Variants in MPRIP observed in about 807,000 individuals in gnomAD.
MPRIP encodes the protein myosin phosphatase Rho interacting protein, also known as myosin phosphatase Rho-interacting protein.
Under a neutral mutation model 234.9 loss-of-function variants are expected in MPRIP, and 59 were observed. The ratio of observed to expected loss-of-function variants is 0.25; its 90% confidence interval spans 0.20 to 0.31. MPRIP has a LOEUF of 0.31. Ranked by LOEUF, MPRIP falls within the 10% of genes least tolerant of loss-of-function variation. The pLI is 1.00. For synonymous variants in MPRIP, 1,144 were observed against 1,263.9 expected (o/e 0.91, Z 2.01); for missense variants, 2,436 against 3,071.0 (o/e 0.79, Z 4.89).
At chr17:17,062,769 G>A (rs1348195547) in intron 1 of MPRIP, among the ~76,000 whole-genome samples, 1 of 152,260 alleles carries the variant, frequency 6.6e-6, no homozygotes, top group Non-Finnish European at 1.5e-5. Context: ...CTGTTTCTCT[G>A]TTGGGTGTTG....
chr17:17,173,333 G>A (rs983462010), intron 18 of MPRIP, among the ~76,000 whole-genome samples: 1 of 152,244 alleles, frequency 6.6e-6, no homozygotes, highest in Non-Finnish European at 1.5e-5. Context: ...CGGCACTCAG[G>A]CTCTACCAGG....
At chr17:17,176,397 A>G (rs756726416) in intron 20 of MPRIP, 29 bp from the exon 21 acceptor site, 5 of 1,567,640 alleles carry the variant, frequency 3.2e-6, no homozygotes, top group African/African-American at 1.4e-5. Context: ...GCTCCTGAAT[A>G]TTGGTCCCTG....
At chr17:17,096,480 C>T (rs990195754) in intron 3 of MPRIP, among the ~76,000 whole-genome samples, 1 of 152,092 alleles carries the variant, frequency 6.6e-6, no homozygotes, top group Non-Finnish European at 1.5e-5. Flanking sequence ...GTTGAAATTC[C>T]AGATTCTTCT....
intron 1 of MPRIP, among the ~76,000 whole-genome samples, chr17:17,063,189 C>T (rs2088918774): frequency 6.6e-6 from 1 of 152,206 alleles, no homozygotes; most frequent in Admixed American, 6.5e-5. Context: ...CTGGGAGGGC[C>T]TTCCAGCAGC....
At chr17:17,145,072 C>T (rs1236913288) in intron 9 of MPRIP, among the ~76,000 whole-genome samples, 1 of 152,176 alleles carries the variant, frequency 6.6e-6, no homozygotes, top group Non-Finnish European at 1.5e-5. Flanking sequence ...CACAGCTTGG[C>T]AGGACGTTGG....
At chr17:17,064,497 G>A (rs113004656) in intron 1 of MPRIP, among the ~76,000 whole-genome samples, 5,230 of 152,196 alleles carry the variant, frequency 0.034, 156 homozygotes, top group East Asian at 0.12. Context: ...ACGGCACCAC[G>A]GCTGGGATAC....
chr17:17,146,005 T>C, intron 9 of MPRIP, 31 bp from the exon 10 acceptor site: 2 of 1,609,730 alleles, frequency 1.2e-6, no homozygotes, highest in Admixed American at 1.7e-5. Flanking sequence ...AAGAGTTTCC[T>C]CTGAGCTGTT....
At position 17,083,803 on chromosome 17, in the gene MPRIP, G is replaced by A. The variant is rs575988391; in HGVS notation, c.267+5727G>A. ...TCTGTCGCCAGGCTGGAGTGCAGTG[G>A]CGTGATCTTGGCTCACTGCAACCTC... On this transcript the variant is annotated intron_variant, in intron 3 of 23. Transcript: ENST00000651222. 7.9e-5 allele frequency among the ~76,000 whole-genome samples: 12 copies of A among 152,228 alleles called. No homozygotes were observed. In the East Asian group the frequency reaches 1.2e-3, roughly 15 times the overall value.
intron 8 of MPRIP, 78 bp from the exon 9 acceptor site, chr17:17,143,478 G>C (rs1291932785): frequency 6.5e-6 from 6 of 921,062 alleles, no homozygotes; most frequent in African/African-American, 1.7e-5. Flanking sequence ...CTCTTGGAGG[G>C]GTGGACAGCA....
rs778726674 is a variant in MPRIP, at chr17:17,158,901, C to A, written c.2299C>A (p.Arg767=). The change falls in exon 14 of 24, where the codon CGG becomes AGG. Residue 767 remains arginine, a synonymous_variant. Transcript: ENST00000651222. ...GCATCAGGTGGAGACCACACCTCTC[C>A]GGGAAGAGAAGCAGGTGCCCATCGC... ...RWHQVETTPL[R]EEKQVPIAPV... is the part of the protein sequence containing the mutation. 3.7e-6 allele frequency: 6 copies of A among 1,612,334 alleles called. No homozygotes were observed. The highest frequency in any genetic ancestry group is 4.2e-6 in the Non-Finnish European group (5 of 1,180,012).
At chr17:17,079,200 G>C (rs1054763876) in intron 3 of MPRIP, among the ~76,000 whole-genome samples, 1 of 152,206 alleles carries the variant, frequency 6.6e-6, no homozygotes, top group African/African-American at 2.4e-5. Context: ...TTTCTGGGGT[G>C]AATTAAGAGG....
chr17:17,049,386 A>G (rs577139105), intron 1 of MPRIP, among the ~76,000 whole-genome samples: 35 of 151,254 alleles, frequency 2.3e-4, no homozygotes, highest in Middle Eastern at 3.4e-3. Flanking sequence ...CATCAGACCT[A>G]TCACAAAGTC....
At position 17,189,659 on chromosome 17, in the gene MPRIP, T is replaced by C. The variant is rs147322684; in HGVS notation, c.*4765T>C. 8.5e-5 allele frequency: 13 copies of C among 152,350 alleles called. No homozygotes were observed. Among genetic ancestry groups the C allele is most frequent in the Non-Finnish European group, 1.5e-4 (10 of 68,040 alleles). The allele number at this position is 152,350 out of a possible 1,614,324, so 9.4% of individuals were successfully genotyped here. On this transcript the variant is annotated 3_prime_UTR_variant, in exon 24 of 24. Transcript: ENST00000651222. ...GTCATGTTGATGAGAAGCTTCACTT[T>C]CCTGGGAACTTCATTCGTTTTAGGG...
intron 12 of MPRIP, 25 bp from the exon 13 acceptor site, chr17:17,154,281 A>G (rs1359459944): frequency 1.2e-6 from 2 of 1,606,782 alleles, no homozygotes; most frequent in Admixed American, 1.7e-5. Context: ...ACAGTCACTG[A>G]TGGTGCCTCA....
chr17:17,151,398 A>G (rs936774046), intron 12 of MPRIP, among the ~76,000 whole-genome samples: 2 of 152,192 alleles, frequency 1.3e-5, no homozygotes, highest in African/African-American at 4.8e-5. Context: ...CCTTGGGGAC[A>G]CGGTGTCCTC....
At chr17:17,161,730 T>G (rs896929060) in intron 15 of MPRIP, among the ~76,000 whole-genome samples, 1 of 152,248 alleles carries the variant, frequency 6.6e-6, no homozygotes, top group African/African-American at 2.4e-5. Context: ...TTGGACCTAT[T>G]GTACAGATTG....
intron 10 of MPRIP, among the ~76,000 whole-genome samples, chr17:17,146,667 G>A (rs1226336476): frequency 6.6e-6 from 1 of 152,186 alleles, no homozygotes; most frequent in Non-Finnish European, 1.5e-5. Context: ...GGAAGGCCAG[G>A]CCTCCCAAGG....
At position 17,138,575 on chromosome 17, in the gene MPRIP, T is replaced by G. The variant is rs115716969; in HGVS notation, c.1250+146T>G. The G allele has an allele frequency of 0.023, 3,470 of 153,334 alleles. 108 individuals are homozygous for G. The highest frequency in any genetic ancestry group is 0.085 in the Middle Eastern group (25 of 294). 9.5% of individuals were successfully genotyped at this position (153,334 alleles called of 1,614,324 possible). ...ATGCTTTCTGTTCAGAGCATAGGGG[T>G]ATTTTCCCTCTGGGCCCAGAACTCA... On this transcript the variant is annotated intron_variant, in intron 7 of 23. Transcript: ENST00000651222. The surrounding 1 kb of genome is among the most constrained non-coding windows in gnomAD (Gnocchi z 5.8).
At position 17,167,159 on chromosome 17, in the gene MPRIP, G is replaced by T; in HGVS notation, c.5568G>T (p.Arg1856=). The T allele has an allele frequency of 2.3e-6, 3 of 1,304,110 alleles. No homozygotes were observed. The highest frequency in any genetic ancestry group is 3.0e-6 in the Non-Finnish European group (3 of 988,946). 80.8% of individuals were successfully genotyped at this position (1,304,110 alleles called of 1,614,324 possible). The change falls in exon 16 of 24, where the codon CGG becomes CGT. Residue 1856 remains arginine (R), a synonymous_variant. Transcript: ENST00000651222. This position sits in a 1 kb window ranked among gnomAD's most constrained non-coding sequence, Gnocchi z 5.9. ...TTTGCTATGCGTCCTGCAGAATCCGGCTAGAATATGAGAAGGAGCTCCAGC... is the reference window on the plus strand; with the variant it reads ...TTTGCTATGCGTCCTGCAGAATCCGTCTAGAATATGAGAAGGAGCTCCAGC... ...AQVCYASCRI[R]LEYEKELQLC...
Sources: allele counts gnomAD v4.1 joint callset (sites outside exome capture counted in the v4.1 genomes callset), GRCh38; gene constraint gnomAD v4.1.1; non-coding constraint Gnocchi (gnomAD v3.1); transcripts MANE v1.5; gene names NCBI Gene and HGNC (gene_info 2026-07-23, HGNC 2026-07-21).